Variants in SLC24A3 observed in about 807,000 individuals in gnomAD.
SLC24A3 encodes the protein solute carrier family 24 member 3.
Under a neutral mutation model 75.8 loss-of-function variants are expected in SLC24A3, and 28 were observed. That is an observed-to-expected ratio of 0.37 (90% CI 0.27 to 0.51). The LOEUF (loss-of-function observed/expected upper bound fraction) is 0.51. Ranked by LOEUF, SLC24A3 falls within the 20% of genes least tolerant of loss-of-function variation. SLC24A3 has a pLI of 0.94. For synonymous variants in SLC24A3, 372 were observed against 334.1 expected (o/e 1.11, Z -1.24); for missense variants, 663 against 847.8 (o/e 0.78, Z 2.71).
At chr20:19,570,144 C>A (rs2031029391) in intron 3 of SLC24A3, among the ~76,000 whole-genome samples, 1 of 152,082 alleles carries the variant, frequency 6.6e-6, no homozygotes, top group South Asian at 2.1e-4. Context: ...AGGAAACTTA[C>A]AATCATGGCA....
At position 19,520,727 on chromosome 20, in the gene SLC24A3, T is replaced by G. The variant is rs192782923; in HGVS notation, c.348+5163T>G. ...ATCTCAAGGTTGGTGGTCTCCCCTG[T>G]TCCCCGCGTCAACACCTGTCCGCAC... On this transcript the variant is annotated intron_variant, in intron 3 of 16. Coordinates refer to ENST00000328041, the MANE Select transcript of SLC24A3 (RefSeq NM_020689.4). Among the ~76,000 whole-genome samples the G allele has an allele frequency of 3.2e-4, 48 of 152,210 alleles. 2 individuals are homozygous for G. The East Asian group carries it at 8.9e-3, about 28-fold the overall frequency.
chr20:19,414,630 C>G (rs1003052167), intron 2 of SLC24A3, among the ~76,000 whole-genome samples: 5 of 152,150 alleles, frequency 3.3e-5, no homozygotes, highest in African/African-American at 1.2e-4. Context: ...CATCAGTTAT[C>G]TCAGGACAAT....
intron 3 of SLC24A3, among the ~76,000 whole-genome samples, chr20:19,518,122 GA>G (rs2030031629): frequency 6.6e-6 from 1 of 152,330 alleles, no homozygotes; most frequent in Admixed American, 6.5e-5. Context: ...AGGATGCTCA[GA>G]AATTTTTAAA....
chr20:19,608,900 G>A (rs1010413646), intron 6 of SLC24A3, among the ~76,000 whole-genome samples: 21 of 152,062 alleles, frequency 1.4e-4, no homozygotes, highest in Admixed American at 1.4e-3. Flanking sequence ...CCATTTGTTG[G>A]AAATTGTAAC....
rs776589620 is a variant in SLC24A3 at position 19,245,924 on chromosome 20, G to T, written c.142+32940G>T. On this transcript the variant is annotated intron_variant, in intron 1 of 16. Coordinates refer to ENST00000328041, the MANE Select transcript of SLC24A3 (RefSeq NM_020689.4). ...TTGAGAGATTTTAATACAATTTTTT[G>T]GTAACTGAAAGATCAAATAATAAAG... 4.6e-5 allele frequency among the ~76,000 whole-genome samples: 7 copies of T among 152,134 alleles called. No homozygotes were observed. In the East Asian group the frequency reaches 9.6e-4, roughly 21 times the overall value.
intron 2 of SLC24A3, among the ~76,000 whole-genome samples, chr20:19,351,310 T>G (rs1985559985): frequency 6.6e-6 from 1 of 152,332 alleles, no homozygotes; most frequent in South Asian, 2.1e-4. Flanking sequence ...TGAAGCTTGT[T>G]GTTGCTATTT....
Position 19,441,120 on chromosome 20 carries a change from C to G in SLC24A3, c.272-74368C>G, listed in dbSNP as rs374964263. 3.9e-5 allele frequency among the ~76,000 whole-genome samples: 6 copies of G among 152,180 alleles called. No homozygotes were observed. In the East Asian group the frequency reaches 5.8e-4, roughly 15 times the overall value. On this transcript the variant is annotated intron_variant, in intron 2 of 16. Coordinates refer to ENST00000328041, the MANE Select transcript of SLC24A3 (RefSeq NM_020689.4). ...ACCAAGCTGGAAGCCTTTAGCCTTC[C>G]TGCTGTCTCACCAAGCTAAGGATGG... is the stretch of plus-strand genomic sequence containing the variant.
chr20:19,705,668 C>T (rs527759273), intron 15 of SLC24A3, among the ~76,000 whole-genome samples: 9 of 152,242 alleles, frequency 5.9e-5, no homozygotes, highest in African/African-American at 2.2e-4. Flanking sequence ...TAATGGCCCT[C>T]CTAACCTCAC....
At chr20:19,635,727 C>T (rs2031992306) in intron 6 of SLC24A3, among the ~76,000 whole-genome samples, 1 of 152,174 alleles carries the variant, frequency 6.6e-6, no homozygotes, top group African/African-American at 2.4e-5. Flanking sequence ...AGGACTATCA[C>T]CTGGAGCACC....
At chr20:19,570,147 T>C (rs2031029444) in intron 3 of SLC24A3, among the ~76,000 whole-genome samples, 1 of 151,970 alleles carries the variant, frequency 6.6e-6, no homozygotes, top group Non-Finnish European at 1.5e-5. Flanking sequence ...AAACTTACAA[T>C]CATGGCAGAA....
At chr20:19,407,340 G>A (rs1986665282) in intron 2 of SLC24A3, among the ~76,000 whole-genome samples, 1 of 152,192 alleles carries the variant, frequency 6.6e-6, no homozygotes, top group Non-Finnish European at 1.5e-5. Flanking sequence ...TAGTTTTTCT[G>A]TGTCCCGGTG....
intron 2 of SLC24A3, among the ~76,000 whole-genome samples, chr20:19,297,418 A>T (rs1984087566): frequency 6.6e-6 from 1 of 152,182 alleles, no homozygotes; most frequent in African/African-American, 2.4e-5. Flanking sequence ...GCCCCTTCTC[A>T]GGAACCCCAG....
At chr20:19,701,164 G>A (rs904140560) in intron 15 of SLC24A3, among the ~76,000 whole-genome samples, 4 of 152,076 alleles carry the variant, frequency 2.6e-5, no homozygotes, top group Non-Finnish European at 5.9e-5. Context: ...GTATGGGGCA[G>A]GCACATACTC....
At chr20:19,365,489 C>T (rs1272683854) in intron 2 of SLC24A3, among the ~76,000 whole-genome samples, 2 of 152,106 alleles carry the variant, frequency 1.3e-5, no homozygotes, top group African/African-American at 4.8e-5. Context: ...CACTCTTTAG[C>T]AGAGTTTCTA....
chr20:19,484,582 C>T (rs1988102336), intron 2 of SLC24A3, among the ~76,000 whole-genome samples: 1 of 152,130 alleles, frequency 6.6e-6, no homozygotes, highest in African/African-American at 2.4e-5. Flanking sequence ...TGAAATAAAC[C>T]GGTCACAAAA....
At chr20:19,311,381 C>T (rs896046669) in intron 2 of SLC24A3, among the ~76,000 whole-genome samples, 3 of 152,146 alleles carry the variant, frequency 2.0e-5, no homozygotes, top group Non-Finnish European at 4.4e-5. Flanking sequence ...CCCCATGCTC[C>T]TTCAGCTTTC....
chr20:19,355,707 A>G (rs576681067), intron 2 of SLC24A3, among the ~76,000 whole-genome samples: 1 of 152,344 alleles, frequency 6.6e-6, no homozygotes, highest in Admixed American at 6.5e-5. Flanking sequence ...TGGTGAAGGA[A>G]TGTATATGCT....
intron 2 of SLC24A3, among the ~76,000 whole-genome samples, chr20:19,467,049 A>G (rs1471286434): frequency 6.6e-6 from 1 of 152,220 alleles, no homozygotes; most frequent in African/African-American, 2.4e-5. Flanking sequence ...TGAAAAGAAT[A>G]AGCCGGGCAA....
intron 2 of SLC24A3, among the ~76,000 whole-genome samples, chr20:19,360,660 A>G (rs907055595): frequency 6.6e-6 from 1 of 152,238 alleles, no homozygotes; most frequent in Non-Finnish European, 1.5e-5. Context: ...TCTACACATA[A>G]CAACATGCAA....
Sources: allele counts gnomAD v4.1 joint callset (sites outside exome capture counted in the v4.1 genomes callset), GRCh38; gene constraint gnomAD v4.1.1; transcripts MANE v1.5; gene names NCBI Gene and HGNC (gene_info 2026-07-23, HGNC 2026-07-21).